Variants in ANKS1B observed in about 807,000 individuals in gnomAD.
The protein encoded by ANKS1B is ankyrin repeat and sterile alpha motif domain-containing protein 1B.
ANKS1B carries 36 observed loss-of-function variants against 148.3 expected under a neutral mutation model. That is an observed-to-expected ratio of 0.24 (90% confidence interval 0.19 to 0.32). The LOEUF (loss-of-function observed/expected upper bound fraction) is 0.32, where lower values mean the gene tolerates loss of function less well. ANKS1B is among the 10% of genes least tolerant of loss of function. The probability of loss-of-function intolerance (pLI) is 1.00; values close to 1 mark genes in which losing one functional copy is unlikely to be tolerated. For missense variants in ANKS1B, 1,157 were observed against 1,542.6 expected, an observed-to-expected ratio of 0.75 and a Z score of 4.19; for synonymous variants, 542 against 560.8, an observed-to-expected ratio of 0.97 and a Z score of 0.47.
chr12:99,626,719 G>A (rs2153385955), intron 9 of ANKS1B, among the ~76,000 whole-genome samples: 1 of 152,220 alleles, frequency 6.6e-6, no homozygotes, highest in South Asian at 2.1e-4. Context: ...TGGGGCGAAT[G>A]GAAAACCATC....
At chr12:99,526,368 C>G (rs2096926324) in intron 9 of ANKS1B, among the ~76,000 whole-genome samples, 1 of 152,116 alleles carries the variant, frequency 6.6e-6, no homozygotes. Context: ...GATAAACTAC[C>G]ATTACTATTT....
intron 17 of ANKS1B, among the ~76,000 whole-genome samples, chr12:98,875,017 A>G (rs2099684387): frequency 6.6e-6 from 1 of 152,254 alleles, no homozygotes; most frequent in Admixed American, 6.5e-5. Flanking sequence ...AACAGTTTAA[A>G]CAAAAGTGTA....
In ANKS1B at chr12:99,825,342, G is replaced by C. The variant is rs1490875853; in HGVS notation, c.182C>G (p.Thr61Ser). 1.2e-6 allele frequency: 2 copies of C among 1,612,820 alleles called. No individual in the cohort carries two copies. The highest frequency in any genetic ancestry group is 2.2e-5 in the East Asian group (1 of 44,824). ...NVNCTDSSGY[T>S]ALHHAALNGH... ...ATTTAAGGCTGCGTGGTGTAAAGCA[G>C]TGTAACCCGAACTGTCTGTGCAGTT... Residue 61 changes from threonine (T) to serine (S), a missense_variant, in exon 2 of 27, where the codon ACT (threonine) becomes AGT (serine). By Grantham distance (58) the Thr-to-Ser change is moderately conservative. Transcript: ENST00000683438.
chr12:98,742,503 TAAGGA>T (rs2097807392), downstream of ANKS1B, among the ~76,000 whole-genome samples: 1 of 152,268 alleles, frequency 6.6e-6, no homozygotes, highest in Non-Finnish European at 1.5e-5. Flanking sequence ...GAAGCAACTC[TAAGGA>T]AAGTGATGCC....
At chr12:99,327,307 ATATAT>A (rs1346323651) in intron 12 of ANKS1B, among the ~76,000 whole-genome samples, 2 of 118,242 alleles carry the variant, frequency 1.7e-5, no homozygotes, top group Non-Finnish European at 3.2e-5. Context: ...ATATGTAATT[ATATAT>A]TATAATTACA....
chr12:99,198,551 T>G (rs1257932090), intron 14 of ANKS1B, among the ~76,000 whole-genome samples: 1 of 152,200 alleles, frequency 6.6e-6, no homozygotes, highest in East Asian at 1.9e-4. Context: ...CTAAATTAGT[T>G]GTCTAAACTC....
intron 9 of ANKS1B, among the ~76,000 whole-genome samples, chr12:99,645,417 T>C (rs1012273491): frequency 2.6e-5 from 4 of 152,134 alleles, no homozygotes; most frequent in African/African-American, 9.7e-5. Context: ...AGTTTTGTTG[T>C]TGGGAGAGAG....
chr12:98,779,963 A>G (rs1303265544), intron 24 of ANKS1B, among the ~76,000 whole-genome samples: 3 of 152,184 alleles, frequency 2.0e-5, no homozygotes, highest in African/African-American at 7.2e-5. Context: ...TGTTTTCCCA[A>G]GCAGATTTGG....
At chr12:99,478,041 T>C (rs932162399) in intron 10 of ANKS1B, among the ~76,000 whole-genome samples, 1 of 152,146 alleles carries the variant, frequency 6.6e-6, no homozygotes, top group Non-Finnish European at 1.5e-5. Context: ...CTTAAAACAA[T>C]GAAATACAGT....
At chr12:99,378,164 C>G (rs2093469211) in intron 12 of ANKS1B, among the ~76,000 whole-genome samples, 1 of 152,142 alleles carries the variant, frequency 6.6e-6, no homozygotes, top group African/African-American at 2.4e-5. Flanking sequence ...CCTCATAGGT[C>G]CTCCCTGTTA....
intron 14 of ANKS1B, among the ~76,000 whole-genome samples, chr12:99,209,691 A>G (rs1392815373): frequency 6.6e-6 from 1 of 152,248 alleles, no homozygotes; most frequent in East Asian, 1.9e-4. Context: ...ACAGTGACAG[A>G]GCAGGAGCAT....
chr12:99,556,485 C>G (rs372908607), intron 9 of ANKS1B, among the ~76,000 whole-genome samples: 2 of 152,032 alleles, frequency 1.3e-5, no homozygotes, highest in Non-Finnish European at 2.9e-5. Flanking sequence ...CTTCTGCTAA[C>G]ATTGGAATTA....
At chr12:99,154,648 A>G in intron 14 of ANKS1B, 1 of 1,441,488 alleles carries the variant, frequency 6.9e-7, no homozygotes, top group Non-Finnish European at 9.1e-7. Flanking sequence ...AATCTTTACT[A>G]CCGACCAGTA....
chr12:99,663,436 G>T (rs560125101), intron 8 of ANKS1B, among the ~76,000 whole-genome samples: 9 of 152,112 alleles, frequency 5.9e-5, no homozygotes, highest in Admixed American at 1.3e-4. Flanking sequence ...AAATTACCTT[G>T]CAAGGCTACC....
At chr12:99,085,483 T>TC (rs1269113346) in intron 15 of ANKS1B, among the ~76,000 whole-genome samples, 1 of 152,056 alleles carries the variant, frequency 6.6e-6, no homozygotes, top group Admixed American at 6.5e-5. Flanking sequence ...GAATCATTTT[T>TC]CCCCCCTTGA....
chr12:99,719,281 G>A (rs551146784), intron 8 of ANKS1B, among the ~76,000 whole-genome samples: 18 of 151,672 alleles, frequency 1.2e-4, no homozygotes, highest in Non-Finnish European at 2.5e-4. Context: ...TCTGTTTCCC[G>A]GCTCCTTCAG....
chr12:99,219,613 G>T (rs2084775061), intron 14 of ANKS1B, among the ~76,000 whole-genome samples: 1 of 152,138 alleles, frequency 6.6e-6, no homozygotes, highest in South Asian at 2.1e-4. Context: ...ACAGGCTTTT[G>T]TGAAAAAGTA....
At chr12:98,774,867 G>A (rs2098652591) in intron 24 of ANKS1B, among the ~76,000 whole-genome samples, 1 of 152,128 alleles carries the variant, frequency 6.6e-6, no homozygotes. Context: ...GCAGTGCTCT[G>A]TCAAAAAATA....
chr12:98,787,381 G>A lies in ANKS1B; in HGVS notation c.3343-5244C>T, dbSNP rs117244183. Among the ~76,000 whole-genome samples the A allele has an allele frequency of 2.6e-5, 4 of 152,230 alleles. No homozygotes were observed. The East Asian group carries it at 5.8e-4, about 22-fold the overall frequency. ...CCCGTGCACTGCCCTGGGTCTCAGCGTGGTCTGCTTGCTTCCCTATAGGGA... is the reference window on the plus strand; with the variant it reads ...CCCGTGCACTGCCCTGGGTCTCAGCATGGTCTGCTTGCTTCCCTATAGGGA... On this transcript the variant is annotated intron_variant, in intron 22 of 26. Transcript: ENST00000683438.
Sources: allele counts gnomAD v4.1 joint callset (sites outside exome capture counted in the v4.1 genomes callset), GRCh38; gene constraint gnomAD v4.1.1; transcripts MANE v1.5; gene names NCBI Gene and HGNC (gene_info 2026-07-23, HGNC 2026-07-21).